Variants in RAB7B observed in about 807,000 individuals in gnomAD.
RAB7B encodes RAB7B, member RAS oncogene family.
At chr1:205,981,442 TA>T (rs1287983812) in intron 5 of RAB7B, among the ~76,000 whole-genome samples, 13 of 150,382 alleles carry the variant, frequency 8.6e-5, no homozygotes, top group Non-Finnish European at 1.6e-4. Flanking sequence ...CTCTTTCAGA[TA>T]ATTAACTGAA....
chr1:206,001,592 G>C (rs1305453518), intron 1 of RAB7B, among the ~76,000 whole-genome samples: 1 of 152,150 alleles, frequency 6.6e-6, no homozygotes, highest in Non-Finnish European at 1.5e-5. Flanking sequence ...ATCCTCTACT[G>C]TTAAGTAACA....
At chr1:205,992,838 G>A (rs1660748735) in intron 3 of RAB7B, 143 bp from the exon 4 acceptor site, 2 of 396,980 alleles carry the variant, frequency 5.0e-6, no homozygotes, top group South Asian at 2.8e-4. Context: ...TTCACACCGT[G>A]GCACGTTGAC....
intron 4 of RAB7B, 44 bp from the exon 5 acceptor site, chr1:205,985,709 G>T: frequency 4.6e-6 from 1 of 219,094 alleles, no homozygotes; most frequent in Non-Finnish European, 8.8e-6. Context: ...TATTATCATC[G>T]CCATCACCAC....
intron 1 of RAB7B, among the ~76,000 whole-genome samples, chr1:205,997,659 A>G (rs1030823304): frequency 3.4e-4 from 51 of 152,198 alleles, no homozygotes; most frequent in Non-Finnish European, 5.7e-4. Flanking sequence ...GCATTTTGTA[A>G]TGGATGCTGC....
At chr1:205,999,911 G>C (rs988678228) in intron 1 of RAB7B, among the ~76,000 whole-genome samples, 1 of 152,154 alleles carries the variant, frequency 6.6e-6, no homozygotes, top group Non-Finnish European at 1.5e-5. Context: ...GGGACTACAG[G>C]TGTATGCCAC....
At chr1:205,995,263 C>T (rs946339370) in intron 1 of RAB7B, among the ~76,000 whole-genome samples, 117,986 of 151,950 alleles carry the variant, frequency 0.78, 46,031 homozygotes, top group East Asian at 0.99. Flanking sequence ...ATAATAATAA[C>T]TTAAAAAAAA....
chr1:205,980,546 G>C (rs1391283489), intron 5 of RAB7B, among the ~76,000 whole-genome samples: 2 of 152,216 alleles, frequency 1.3e-5, no homozygotes, highest in Middle Eastern at 3.2e-3. Flanking sequence ...GCATTTCAGT[G>C]GGGGTGTGAC....
At position 205,989,988 on chromosome 1, in the gene RAB7B, C is replaced by T. The variant is rs1034790757; in HGVS notation, c.396+2492G>A. On this transcript the variant is annotated intron_variant, in intron 4 of 5. Transcript: ENST00000617070. ...TCCTCCCTCTCAACAGAAGATGGCACCACTTATTTCACTGACTCTCGGTCT... is the reference window on the plus strand; with the variant it reads ...TCCTCCCTCTCAACAGAAGATGGCATCACTTATTTCACTGACTCTCGGTCT... Among the ~76,000 whole-genome samples the T allele has an allele frequency of 5.3e-4, 81 of 152,280 alleles. 1 individual carries two copies. Among genetic ancestry groups the T allele is most frequent in the Admixed American group, 3.5e-3 (54 of 15,292 alleles).
At chr1:205,988,918 G>C (rs943730966) in intron 4 of RAB7B, among the ~76,000 whole-genome samples, 1 of 152,114 alleles carries the variant, frequency 6.6e-6, no homozygotes, top group African/African-American at 2.4e-5. Flanking sequence ...TTTGAGGGCC[G>C]GCACTTCCCA....
At chr1:205,994,652 C>T (rs893159219) in intron 1 of RAB7B, among the ~76,000 whole-genome samples, 3 of 152,126 alleles carry the variant, frequency 2.0e-5, no homozygotes, top group East Asian at 3.9e-4. Flanking sequence ...ATGCAGCTGG[C>T]GGGGGTGTAA....
Position 205,978,772 on chromosome 1 carries a change from G to T in RAB7B, c.*79C>A. The stretch of plus-strand genomic sequence containing the variant: ...GCAGGCAGTGGGGCTGGAGGGGGAT[G>T]GTCACCTGTTCTCAAGCCTGGGGTG... On this transcript the variant is annotated 3_prime_UTR_variant, in exon 6 of 6. Coordinates refer to ENST00000617070, the MANE Select transcript of RAB7B (RefSeq NM_001164522.3). The T allele has an allele frequency of 2.5e-6, 1 of 398,020 alleles. No homozygotes were observed. The highest frequency in any genetic ancestry group is 1.3e-4 in the South Asian group (1 of 7,704). 24.7% of individuals were successfully genotyped at this position (398,020 alleles called of 1,614,324 possible). A position where few individuals can be genotyped will look rare whatever the true frequency, so the allele number is the denominator to read the frequency against.
chr1:206,000,763 G>A (rs1233776115), intron 1 of RAB7B, among the ~76,000 whole-genome samples: 1 of 152,182 alleles, frequency 6.6e-6, no homozygotes, highest in African/African-American at 2.4e-5. Flanking sequence ...TACCAGCGTG[G>A]AGCCTGCTCC....
At chr1:205,979,982 A>T (rs1456406948) in intron 5 of RAB7B, among the ~76,000 whole-genome samples, 1 of 152,098 alleles carries the variant, frequency 6.6e-6, no homozygotes, top group Admixed American at 6.5e-5. Flanking sequence ...AATGCTCATG[A>T]CCCTAGACCT....
chr1:205,985,107 C>T (rs984688355), intron 5 of RAB7B, among the ~76,000 whole-genome samples: 12 of 152,202 alleles, frequency 7.9e-5, no homozygotes, highest in Non-Finnish European at 1.0e-4. Flanking sequence ...TAGGGGTCTA[C>T]GTCTATTCAT....
rs1660590071 is a variant in RAB7B, at chr1:205,985,784, C to CCACCATCCCCACCAGGCT, written c.397-120_397-119insAGCCTGGTGGGGATGGTG. ...ACCATCCCCACCATCCCCATCATCC[C>CCACCATCCCCACCAGGCT]CACCAGGCCCACCATCCCCACCAGG... On this transcript the variant is annotated intron_variant, in intron 4 of 5. Coordinates refer to ENST00000617070, the MANE Select transcript of RAB7B (RefSeq NM_001164522.3). 6.8e-5 allele frequency: 22 copies of CCACCATCCCCACCAGGCT among 322,424 alleles called. No homozygotes were observed. The East Asian group carries it at 8.8e-4, about 13-fold the overall frequency. 20.0% of individuals were successfully genotyped at this position (322,424 alleles called of 1,614,324 possible). A position where few individuals can be genotyped will look rare whatever the true frequency, so the allele number is the denominator to read the frequency against.
chr1:205,999,374 G>A (rs1660856075), intron 1 of RAB7B, among the ~76,000 whole-genome samples: 1 of 152,174 alleles, frequency 6.6e-6, no homozygotes, highest in Non-Finnish European at 1.5e-5. Flanking sequence ...GCTTTGAAAA[G>A]ATACTCAACC....
intron 5 of RAB7B, among the ~76,000 whole-genome samples, chr1:205,984,920 C>A (rs1199198921): frequency 3.3e-5 from 5 of 152,076 alleles, no homozygotes; most frequent in Non-Finnish European, 2.9e-5. Context: ...TCCTTCCCTG[C>A]AGCATGGGCT....
At chr1:205,987,145 C>T (rs1298569413) in intron 4 of RAB7B, among the ~76,000 whole-genome samples, 1 of 152,160 alleles carries the variant, frequency 6.6e-6, no homozygotes, top group Non-Finnish European at 1.5e-5. Flanking sequence ...TCCTCCCCAC[C>T]CCAACCTCAG....
intron 4 of RAB7B, among the ~76,000 whole-genome samples, chr1:205,988,547 T>C (rs1660658573): frequency 1.3e-5 from 2 of 152,264 alleles, no homozygotes. Flanking sequence ...AGTACATTTT[T>C]ATATACTCAT....
Sources: allele counts gnomAD v4.1 joint callset (sites outside exome capture counted in the v4.1 genomes callset), GRCh38; gene constraint gnomAD v4.1.1; transcripts MANE v1.5; gene names NCBI Gene and HGNC (gene_info 2026-07-23, HGNC 2026-07-21).